GLT8D2: variants seen among roughly 807,000 people sequenced by gnomAD.
The protein encoded by GLT8D2 is glycosyltransferase 8 domain-containing protein 2.
GLT8D2 carries 45 observed loss-of-function variants against 44.5 expected under a neutral mutation model. That is an observed-to-expected ratio of 1.01 (90% CI 0.80 to 1.30). GLT8D2 has a LOEUF of 1.30. GLT8D2 is among the 50% of genes most tolerant of loss of function. The pLI is 0.00. For synonymous variants in GLT8D2, 156 were observed against 157.2 expected, an observed-to-expected ratio of 0.99 and a Z score of 0.06; for missense variants, 400 against 430.4, an observed-to-expected ratio of 0.93 and a Z score of 0.62.
chr12:104,022,014 GAAGAAGAAA>G (rs1476026724), intron 1 of GLT8D2, among the ~76,000 whole-genome samples: 5,341 of 56,982 alleles, frequency 0.094, 1,390 homozygotes, highest in Non-Finnish European at 0.1. Flanking sequence ...AGAAGAAGAA[GAAGAAGAAA>G]AAGAAGAAGA....
chr12:103,995,443 C>T (rs1347235791), intron 8 of GLT8D2, among the ~76,000 whole-genome samples: 1 of 152,202 alleles, frequency 6.6e-6, no homozygotes, highest in Non-Finnish European at 1.5e-5. Context: ...GAGGGTTTCC[C>T]CTCTAACCAT....
rs754364373 is a variant in GLT8D2 at position 104,003,262 on chromosome 12, C to G, written c.157G>C (p.Val53Leu). 5 of 1,614,036 alleles carry G rather than the reference C, an allele frequency of 3.1e-6. No homozygotes were observed. The African/African-American group carries it at 5.3e-5, about 17-fold the overall frequency. Residue 53 changes from valine to leucine, a missense_variant, in exon 5 of 11, where the codon GTG becomes CTG. By Grantham distance (32) the Val-to-Leu change is conservative. Transcript: ENST00000360814. The stretch of plus-strand genomic sequence containing the variant: ...CTCCCTGCTGCAGCACAAATCACCA[C>G]AGGAATCTCTTCTTCCAGTTCTTCA... ...TPEELEEEIPVVICAAAGRMG... is the reference protein window; with the variant it reads ...TPEELEEEIPLVICAAAGRMG...
intron 1 of GLT8D2, among the ~76,000 whole-genome samples, chr12:104,045,891 A>AAAGAAAG (rs1566213165): frequency 8.1e-5 from 4 of 49,608 alleles, no homozygotes; most frequent in African/African-American, 3.3e-4. Context: ...GAAAAGAAAG[A>AAAGAAAG]TAAGAAAGAA....
At chr12:103,992,673 A>G (rs1256749104) in intron 10 of GLT8D2, among the ~76,000 whole-genome samples, 2 of 151,850 alleles carry the variant, frequency 1.3e-5, no homozygotes, top group Admixed American at 6.6e-5. Context: ...TTATATTTTT[A>G]GCAGAGACGG....
chr12:104,016,682 GA>G (rs1320305880), intron 3 of GLT8D2, among the ~76,000 whole-genome samples: 12 of 78,628 alleles, frequency 1.5e-4, no homozygotes, highest in Admixed American at 9.5e-4. Flanking sequence ...GAGAGAGAAA[GA>G]AAAGAAAGAA....
intron 4 of GLT8D2, among the ~76,000 whole-genome samples, chr12:104,012,158 G>A (rs1405222566): frequency 1.3e-4 from 14 of 105,936 alleles, no homozygotes; most frequent in African/African-American, 3.8e-4. Flanking sequence ...CAACAAGAGC[G>A]AAACTCTGTC....
exon 1 of GLT8D2, chr12:104,063,960 C>T (rs568332592): frequency 6.6e-6 from 1 of 152,460 alleles, no homozygotes; most frequent in African/African-American, 2.4e-5. Context: ...TCTTGTGGCT[C>T]ACGGTTCCCA....
intron 5 of GLT8D2, among the ~76,000 whole-genome samples, chr12:104,002,855 G>A (rs1017424713): frequency 1.3e-5 from 2 of 152,144 alleles, no homozygotes; most frequent in African/African-American, 4.8e-5. Flanking sequence ...GGAAACAGAA[G>A]GATTGCTTGA....
intron 1 of GLT8D2, among the ~76,000 whole-genome samples, chr12:104,037,973 T>C (rs1189437907): frequency 1.3e-5 from 2 of 152,196 alleles, no homozygotes; most frequent in Non-Finnish European, 2.9e-5. Context: ...ATCCCTGGGA[T>C]ACAAGGCTGG....
intron 1 of GLT8D2, among the ~76,000 whole-genome samples, chr12:104,041,139 C>T (rs959668934): frequency 1.3e-5 from 2 of 152,022 alleles, no homozygotes; most frequent in Admixed American, 6.6e-5. Context: ...TGGGGCCAGG[C>T]GTGGTGGCTC....
chr12:104,048,236 C>A (rs1881374149), intron 1 of GLT8D2, among the ~76,000 whole-genome samples: 1 of 152,190 alleles, frequency 6.6e-6, no homozygotes, highest in Non-Finnish European at 1.5e-5. Context: ...GAATAGCACA[C>A]CGCAGAGTGT....
At chr12:104,044,239 CTT>C (rs1880856411) in intron 1 of GLT8D2, among the ~76,000 whole-genome samples, 1 of 152,194 alleles carries the variant, frequency 6.6e-6, no homozygotes, top group South Asian at 2.1e-4. Context: ...CTCTCAGTCT[CTT>C]AGTCAAAAGC....
chr12:104,017,831 G>A lies in GLT8D2; in HGVS notation c.19+1799C>T, dbSNP rs184739765. Among the ~76,000 whole-genome samples, 161 of 152,280 alleles carry A rather than the reference G, an allele frequency of 1.1e-3. 1 individual carries two copies. The highest frequency in any genetic ancestry group is 2.1e-3 in the Non-Finnish European group (142 of 68,028). On this transcript the variant is annotated intron_variant, in intron 3 of 10. Coordinates refer to ENST00000360814, the MANE Select transcript of GLT8D2 (RefSeq NM_001384711.1). ...CCGAGGGGTATCTTAACCTCTCTGA[G>A]CTTGGTGTGCTTATCTGCTGAATGA...
At chr12:104,062,536 C>T (rs1292203535) in intron 1 of GLT8D2, among the ~76,000 whole-genome samples, 1 of 152,146 alleles carries the variant, frequency 6.6e-6, no homozygotes, top group African/African-American at 2.4e-5. Flanking sequence ...AGGAAATTTA[C>T]TATACAGTGT....
At chr12:104,034,406 C>A (rs1314148263) in intron 1 of GLT8D2, among the ~76,000 whole-genome samples, 1 of 152,244 alleles carries the variant, frequency 6.6e-6, no homozygotes, top group Non-Finnish European at 1.5e-5. Context: ...CTGTGACAGA[C>A]TTTACCTGGA....
At chr12:103,999,664 AC>A (rs1873949774) in intron 5 of GLT8D2, 150 bp from the exon 6 acceptor site, 6 of 597,788 alleles carry the variant, frequency 1.0e-5, no homozygotes, top group Middle Eastern at 4.6e-4. Flanking sequence ...AATCCCTCTG[AC>A]TTTTCTCCCC....
intron 10 of GLT8D2, among the ~76,000 whole-genome samples, chr12:103,990,465 CTT>C (rs1219496707): frequency 6.6e-6 from 1 of 152,160 alleles, no homozygotes; most frequent in East Asian, 1.9e-4. Context: ...TTAGAATACT[CTT>C]TAGAATACCT....
intron 1 of GLT8D2, among the ~76,000 whole-genome samples, chr12:104,044,783 G>C (rs1223812300): frequency 1.3e-5 from 2 of 152,234 alleles, no homozygotes; most frequent in Non-Finnish European, 2.9e-5. Context: ...AATGCAGCTT[G>C]AGTAGCCTTA....
chr12:104,030,746 T>A, intron 1 of GLT8D2: 1 of 1,612,218 alleles, frequency 6.2e-7, no homozygotes, highest in Non-Finnish European at 8.5e-7. Flanking sequence ...AATCTGCTAA[T>A]CCCAGTCGGT....
Sources: gnomAD v4.1 joint callset for allele counts (sites outside exome capture counted in the v4.1 genomes callset) on GRCh38, gnomAD v4.1.1 for gene constraint, MANE v1.5 for transcripts, NCBI Gene and HGNC (gene_info 2026-07-23, HGNC 2026-07-21) for gene names.